CTNNA3: variants seen among roughly 807,000 people sequenced by gnomAD.
CTNNA3 encodes catenin alpha 3.
Under a neutral mutation model 95.7 loss-of-function variants are expected in CTNNA3, and 76 were observed. That is an observed-to-expected ratio of 0.79 (90% CI 0.66 to 0.96). The LOEUF is 0.96. Among genes scored for constraint, CTNNA3 ranks in the 40% least tolerant of loss-of-function variants. The pLI is 0.00. For synonymous variants in CTNNA3, 431 were observed against 374.4 expected, an observed-to-expected ratio of 1.15 and a Z score of -1.74; for missense variants, 1,191 against 1,089.8, an observed-to-expected ratio of 1.09 and a Z score of -1.31.
intron 7 of CTNNA3, among the ~76,000 whole-genome samples, chr10:66,812,246 A>G (rs1342301799): frequency 6.6e-6 from 1 of 152,174 alleles, no homozygotes; most frequent in Non-Finnish European, 1.5e-5. Flanking sequence ...ATTGAGGATA[A>G]AGGGAGTCAG....
intron 5 of CTNNA3, among the ~76,000 whole-genome samples, chr10:67,285,378 T>C (rs910691654): frequency 5.9e-5 from 9 of 152,270 alleles, no homozygotes; most frequent in African/African-American, 2.2e-4. Context: ...CCAAAGTCAC[T>C]TAGCTAGCAG....
At position 66,677,398 on chromosome 10, in the gene CTNNA3, G is replaced by T. The variant is rs566371609; in HGVS notation, c.1282-55614C>A. ...AAAAATAATTTTATACAAAATAGAA[G>T]CCCACTTTTTTTTTAATCAGACTCA... On this transcript the variant is annotated intron_variant, in intron 9 of 17. Coordinates refer to ENST00000433211, the MANE Select transcript of CTNNA3 (RefSeq NM_013266.4). 2.2e-4 allele frequency among the ~76,000 whole-genome samples: 23 copies of T among 105,226 alleles called. No individual in the cohort carries two copies. In the South Asian group the frequency reaches 2.6e-3, roughly 12 times the overall value. 69.0% of individuals were successfully genotyped at this position (105,226 alleles called of 152,430 possible).
At position 67,504,175 on chromosome 10, in the gene CTNNA3, C is replaced by T. The variant is rs181357212; in HGVS notation, c.579+17667G>A. The stretch of plus-strand genomic sequence containing the variant: ...CCGTCTCAAAAAAAAAAAAACAGGT[C>T]GGTGCCAAGGCTCATGCCTGTAATC... On this transcript the variant is annotated intron_variant, in intron 5 of 17. Transcript: ENST00000433211. Among the ~76,000 whole-genome samples the T allele has an allele frequency of 7.5e-3, 932 of 124,962 alleles. 11 individuals carry two copies. Among genetic ancestry groups the T allele is most frequent in the African/African-American group, 0.026 (871 of 33,078 alleles). 82.0% of individuals were successfully genotyped at this position (124,962 alleles called of 152,430 possible).
chr10:66,894,594 AT>A (rs751991870), intron 7 of CTNNA3, among the ~76,000 whole-genome samples: 1 of 152,144 alleles, frequency 6.6e-6, no homozygotes, highest in Non-Finnish European at 1.5e-5. Context: ...TGTTAAAAAA[AT>A]AATAAAACAT....
chr10:66,154,030 T>A (rs1278383511), intron 13 of CTNNA3, among the ~76,000 whole-genome samples: 1 of 151,846 alleles, frequency 6.6e-6, no homozygotes, highest in Non-Finnish European at 1.5e-5. Context: ...ATCTCTATCA[T>A]CACTCATAAG....
chr10:66,581,818 T>C (rs761483557), intron 10 of CTNNA3, among the ~76,000 whole-genome samples: 4 of 151,664 alleles, frequency 2.6e-5, no homozygotes, highest in Non-Finnish European at 5.9e-5. Flanking sequence ...AAGGTAAAGT[T>C]AATTTTTGTA....
At chr10:65,967,022 T>C (rs2133258192) in intron 16 of CTNNA3, among the ~76,000 whole-genome samples, 2 of 152,244 alleles carry the variant, frequency 1.3e-5, no homozygotes, top group East Asian at 3.9e-4. Context: ...AGTGGCAAGA[T>C]CTTGGCTCAC....
chr10:65,982,764 GA>G (rs146972279), intron 16 of CTNNA3, among the ~76,000 whole-genome samples: 16,063 of 145,002 alleles, frequency 0.11, 1,075 homozygotes, highest in East Asian at 0.2. Context: ...AAAACCTCTT[GA>G]AAAAAAAAAT....
chr10:66,381,712 C>T (rs2092840101), intron 11 of CTNNA3, among the ~76,000 whole-genome samples: 1 of 152,070 alleles, frequency 6.6e-6, no homozygotes, highest in Non-Finnish European at 1.5e-5. Flanking sequence ...AAATATTAAA[C>T]ACTGAAAACC....
intron 1 of CTNNA3, among the ~76,000 whole-genome samples, chr10:67,744,177 A>G (rs1462534614): frequency 6.6e-6 from 1 of 151,268 alleles, no homozygotes; most frequent in Non-Finnish European, 1.5e-5. Flanking sequence ...GGAACCAAAA[A>G]AGAGCCCGCA....
intron 7 of CTNNA3, among the ~76,000 whole-genome samples, chr10:66,786,826 T>C (rs1840765459): frequency 6.6e-6 from 1 of 152,076 alleles, no homozygotes; most frequent in South Asian, 2.1e-4. Flanking sequence ...ATATTGACCA[T>C]TCTTAGAGGG....
At chr10:66,507,896 C>T (rs56262229) in intron 11 of CTNNA3, among the ~76,000 whole-genome samples, 23,168 of 151,892 alleles carry the variant, frequency 0.15, 1,849 homozygotes, top group Middle Eastern at 0.17. Context: ...CATATGGTGG[C>T]TCTGTTTTTA....
At chr10:66,655,365 A>T (rs12413280) in intron 9 of CTNNA3, among the ~76,000 whole-genome samples, 103,281 of 151,872 alleles carry the variant, frequency 0.68, 36,397 homozygotes, top group East Asian at 0.95. Flanking sequence ...GATAGTTATT[A>T]TTTTAAGACG....
At chr10:67,470,772 A>G (rs1440774716) in intron 5 of CTNNA3, among the ~76,000 whole-genome samples, 1 of 151,794 alleles carries the variant, frequency 6.6e-6, no homozygotes, top group African/African-American at 2.4e-5. Context: ...ACTTTGGGTT[A>G]AGATTTTTTG....
chr10:67,622,274 A>G (rs955315684), intron 2 of CTNNA3, among the ~76,000 whole-genome samples: 2 of 152,212 alleles, frequency 1.3e-5, no homozygotes, highest in African/African-American at 4.8e-5. Context: ...ATCAGTCTGC[A>G]TCACCTGGCT....
chr10:67,488,572 T>C (rs577245028), intron 5 of CTNNA3, among the ~76,000 whole-genome samples: 14 of 152,120 alleles, frequency 9.2e-5, no homozygotes, highest in African/African-American at 3.4e-4. Flanking sequence ...GGTTTCATCA[T>C]GTTGGCCAGG....
At chr10:66,704,950 A>G (rs777646938) in intron 9 of CTNNA3, among the ~76,000 whole-genome samples, 29 of 152,134 alleles carry the variant, frequency 1.9e-4, no homozygotes, top group South Asian at 2.1e-4. Flanking sequence ...AATGCTGAAC[A>G]GAAGTGGTAA....
chr10:66,616,375 C>A (rs1191529564), intron 10 of CTNNA3, among the ~76,000 whole-genome samples: 1 of 152,086 alleles, frequency 6.6e-6, no homozygotes, highest in Non-Finnish European at 1.5e-5. Context: ...ATTCTTCTAA[C>A]ATCTGCTCAT....
At chr10:67,397,251 C>T (rs1335197068) in intron 5 of CTNNA3, among the ~76,000 whole-genome samples, 1 of 152,118 alleles carries the variant, frequency 6.6e-6, no homozygotes, top group East Asian at 1.9e-4. Flanking sequence ...AAGTTTGGAA[C>T]TTCCTAGAGA....
Sources: gnomAD v4.1 joint callset for allele counts (sites outside exome capture counted in the v4.1 genomes callset) on GRCh38, gnomAD v4.1.1 for gene constraint, MANE v1.5 for transcripts, NCBI Gene and HGNC (gene_info 2026-07-23, HGNC 2026-07-21) for gene names.